ARMC7: variants seen among roughly 807,000 people sequenced by gnomAD.
The protein encoded by ARMC7 is armadillo repeat containing 7, also known as armadillo repeat-containing protein 7.
ARMC7 carries 9 observed loss-of-function variants against 14.8 expected under a neutral mutation model. The observed-to-expected ratio is 0.61, with a 90% confidence interval of 0.37 to 1.06. The LOEUF is 1.06. Among genes scored for constraint, ARMC7 ranks in the 50% least tolerant of loss-of-function variants. ARMC7 has a pLI of 0.01. For missense variants in ARMC7, 262 were observed against 267.1 expected, an observed-to-expected ratio of 0.98 and a Z score of 0.13; for synonymous variants, 125 against 123.4, an observed-to-expected ratio of 1.01 and a Z score of -0.09.
At chr17:75,118,441 A>G (rs932062307) in intron 2 of ARMC7, among the ~76,000 whole-genome samples, 6 of 152,080 alleles carry the variant, frequency 3.9e-5, no homozygotes, top group African/African-American at 1.2e-4. Flanking sequence ...CCACTTGCCA[A>G]CAGGGGCCTG....
In ARMC7 at chr17:75,128,670, C is replaced by T. The variant is rs936024956; in HGVS notation, c.236-7C>T. ...CAGCATCCAGACTCTTCCTTGCTCT[C>T]CCACAGGAGGCCTGTGCAACCTGTG... On this transcript the variant is annotated splice_region_variant and splice_polypyrimidine_tract_variant and intron_variant, in intron 2 of 2. Coordinates refer to ENST00000245543, the MANE Select transcript of ARMC7 (RefSeq NM_024585.4). 1 of 1,607,126 alleles carries T rather than the reference C, an allele frequency of 6.2e-7. No individual in the cohort carries two copies. Among genetic ancestry groups the T allele is most frequent in the African/African-American group, 1.3e-5 (1 of 74,844 alleles).
intron 2 of ARMC7, among the ~76,000 whole-genome samples, chr17:75,116,740 G>A (rs1233297170): frequency 3.3e-5 from 5 of 152,200 alleles, no homozygotes; most frequent in Admixed American, 6.5e-5. Flanking sequence ...TAGGATTGTG[G>A]AGCGAAAGCG....
At chr17:75,126,288 A>C (rs2145134638) in intron 2 of ARMC7, among the ~76,000 whole-genome samples, 1 of 152,268 alleles carries the variant, frequency 6.6e-6, no homozygotes, top group South Asian at 2.1e-4. Flanking sequence ...CAAGGCTAAG[A>C]GGTCATTACA....
intron 2 of ARMC7, among the ~76,000 whole-genome samples, chr17:75,115,750 G>A (rs2073968701): frequency 6.6e-6 from 1 of 152,156 alleles, no homozygotes; most frequent in Admixed American, 6.6e-5. Flanking sequence ...TGAGTTGGAT[G>A]AGAGCTGGGC....
At chr17:75,128,457 G>A (rs1246420721) in intron 2 of ARMC7, among the ~76,000 whole-genome samples, 1 of 152,170 alleles carries the variant, frequency 6.6e-6, no homozygotes, top group Admixed American at 6.6e-5. Context: ...AGAGGGAAAG[G>A]GATTTGTGCC....
Position 75,129,172 on chromosome 17 carries a change from G to A in ARMC7, c.*134G>A, listed in dbSNP as rs927533166. The stretch of plus-strand genomic sequence containing the variant: ...TCTGAAAGGCGGGTTCTTTCAGCAG[G>A]ACAGGCATTTACACTGATGAAACGC... On this transcript the variant is annotated 3_prime_UTR_variant, in exon 3 of 3. Transcript: ENST00000245543. 43 of 1,288,990 alleles carry A rather than the reference G, an allele frequency of 3.3e-5. No homozygotes were observed. In the South Asian group the frequency reaches 6.7e-4, roughly 20 times the overall value. The allele number at this position is 1,288,990 out of a possible 1,614,324, so 79.8% of individuals were successfully genotyped here.
At chr17:75,124,483 T>C (rs1463533127) in intron 2 of ARMC7, among the ~76,000 whole-genome samples, 2 of 152,216 alleles carry the variant, frequency 1.3e-5, no homozygotes, top group African/African-American at 4.8e-5. Context: ...GGCTTCATCT[T>C]ATCACACTTT....
chr17:75,118,662 T>C (rs1373774515), intron 2 of ARMC7, among the ~76,000 whole-genome samples: 8 of 152,204 alleles, frequency 5.3e-5, no homozygotes. Context: ...ATTGACCCTT[T>C]CTGTGCTTCT....
At chr17:75,120,702 T>G (rs1052081485) in intron 2 of ARMC7, among the ~76,000 whole-genome samples, 3 of 150,920 alleles carry the variant, frequency 2.0e-5, no homozygotes, top group African/African-American at 7.3e-5. Flanking sequence ...TAGTCCCAGC[T>G]ACTCAGGAGG....
rs936304890 is a variant in ARMC7 at position 75,118,128 on chromosome 17, A to AAG, written c.235+7523_235+7524insGA. Reference sequence around the variant, plus strand: ...CGACAAAGCAAGACTGTCTCAAAAAAAAAAAAAAAACAAAGTTATCTTTAG... The same window carrying AAG: ...CGACAAAGCAAGACTGTCTCAAAAAAAGAAAAAAAAAACAAAGTTATCTTTAG... On this transcript the variant is annotated intron_variant, in intron 2 of 2. Transcript: ENST00000245543. Among the ~76,000 whole-genome samples the AAG allele has an allele frequency of 2.4e-4, 36 of 152,152 alleles. No individual in the cohort carries two copies. In the East Asian group the frequency reaches 6.2e-3, roughly 26 times the overall value.
At chr17:75,124,316 G>A (rs766146102) in intron 2 of ARMC7, among the ~76,000 whole-genome samples, 1 of 152,172 alleles carries the variant, frequency 6.6e-6, no homozygotes, top group Non-Finnish European at 1.5e-5. Flanking sequence ...GTCCATCCTT[G>A]GAGACTCCTA....
At chr17:75,126,593 T>G (rs187043509) in intron 2 of ARMC7, among the ~76,000 whole-genome samples, 102 of 152,056 alleles carry the variant, frequency 6.7e-4, no homozygotes, top group East Asian at 6.4e-3. Flanking sequence ...TTTTGTTTTT[T>G]TTTTTTGAGA....
chr17:75,114,659 C>A, intron 2 of ARMC7: 1 of 398,164 alleles, frequency 2.5e-6, no homozygotes, highest in South Asian at 1.3e-4. Context: ...TTGTTAGGAT[C>A]ATTATCACCA....
intron 2 of ARMC7, among the ~76,000 whole-genome samples, chr17:75,112,338 A>G (rs77692739): frequency 0.04 from 6,128 of 152,204 alleles, 150 homozygotes; most frequent in Admixed American, 0.068. Flanking sequence ...CAGATACTCA[A>G]GAGGATCGCT....
Position 75,110,351 on chromosome 17 carries a change from C to T in ARMC7, c.63C>T (p.Val21=). 6.2e-7 allele frequency: 1 copy of T among 1,614,064 alleles called. No individual in the cohort carries two copies. The highest frequency in any genetic ancestry group is 8.5e-7 in the Non-Finnish European group (1 of 1,180,028). ...GGCTGGGATACCTGCAGGCGCTGGT[C>T]ACGGAATTCCAGGAGACCCAAAGCC... ...VGRLGYLQAL[V]TEFQETQSQD... The change falls in exon 1 of 3, where the codon GTC becomes GTT. Residue 21 remains valine, a synonymous_variant. Transcript: ENST00000245543.
intron 2 of ARMC7, 127 bp downstream of exon 2, chr17:75,110,733 C>CG: frequency 7.7e-7 from 1 of 1,290,846 alleles, no homozygotes. Flanking sequence ...GAAGCTAAGG[C>CG]GGGCGGATCA....
intron 2 of ARMC7, among the ~76,000 whole-genome samples, chr17:75,119,226 T>C (rs1285971401): frequency 1.3e-5 from 2 of 152,182 alleles, no homozygotes; most frequent in East Asian, 3.8e-4. Flanking sequence ...TTCAGTGTCT[T>C]GAAAATGGCT....
In ARMC7 at chr17:75,109,981, A is replaced by G. The variant is rs1039199388; in HGVS notation, c.-308A>G. On this transcript the variant is annotated 5_prime_UTR_variant, in exon 1 of 3. Coordinates refer to ENST00000245543, the MANE Select transcript of ARMC7 (RefSeq NM_024585.4). The surrounding 1 kb of genome is among the most constrained non-coding windows in gnomAD (Gnocchi z 5.0). ...CCGCCGGGAGCCCGGAACCGAGCCC[A>G]GGAGCCGGGGACGGTGCGCCAGTGC... 9.3e-6 allele frequency: 3 copies of G among 323,882 alleles called. No homozygotes were observed. The highest frequency in any genetic ancestry group is 9.0e-4 in the Middle Eastern group (1 of 1,108). 20.1% of individuals were successfully genotyped at this position (323,882 alleles called of 1,614,324 possible). A position where few individuals can be genotyped will look rare whatever the true frequency, so the allele number is the denominator to read the frequency against.
At chr17:75,128,185 C>T (rs891522854) in intron 2 of ARMC7, among the ~76,000 whole-genome samples, 1 of 152,086 alleles carries the variant, frequency 6.6e-6, no homozygotes, top group Non-Finnish European at 1.5e-5. Flanking sequence ...AGCAATTCTC[C>T]TGCCTCAGCC....
Sources: allele counts gnomAD v4.1 joint callset (sites outside exome capture counted in the v4.1 genomes callset), GRCh38; gene constraint gnomAD v4.1.1; non-coding constraint Gnocchi (gnomAD v3.1); transcripts MANE v1.5; gene names NCBI Gene and HGNC (gene_info 2026-07-23, HGNC 2026-07-21).